CHST11: variants seen among roughly 807,000 people sequenced by gnomAD.
The protein encoded by CHST11 is C4S-1.
A neutral mutation model predicts 30.4 loss-of-function variants in CHST11; 9 were observed. The observed-to-expected ratio is 0.30, with a 90% CI of 0.18 to 0.52. The LOEUF (loss-of-function observed/expected upper bound fraction) is 0.52, where lower values mean the gene tolerates loss of function less well. Ranked by LOEUF, CHST11 falls within the 20% of genes least tolerant of loss-of-function variation. CHST11 has a pLI of 0.97. For synonymous variants in CHST11, 152 were observed against 187.8 expected, an observed-to-expected ratio of 0.81 and a Z score of 1.56; for missense variants, 348 against 460.6, an observed-to-expected ratio of 0.76 and a Z score of 2.24.
chr12:104,728,573 G>A (rs2040233430), intron 2 of CHST11, among the ~76,000 whole-genome samples: 1 of 152,214 alleles, frequency 6.6e-6, no homozygotes, highest in Non-Finnish European at 1.5e-5. Context: ...GTGTTTTACA[G>A]GTGCCCTGTG....
chr12:104,665,390 C>T (rs2039633084), intron 2 of CHST11, among the ~76,000 whole-genome samples: 1 of 152,150 alleles, frequency 6.6e-6, no homozygotes, highest in East Asian at 1.9e-4. Context: ...ACAAATGTAT[C>T]ATAGTCCAGA....
chr12:104,761,060 T>TTTA lies in CHST11; in HGVS notation c.*3259_*3261dup, dbSNP rs1378008964. ...TATTTGCAAGGACATTCCTGCTTAC[T>TTTA]TTATCCCTTTGGTTGGAAAGCTCTA... On this transcript the variant is annotated 3_prime_UTR_variant, in exon 3 of 3. Transcript: ENST00000303694. The TTTA allele has an allele frequency of 3.3e-5, 5 of 152,246 alleles. No homozygotes were observed. Among genetic ancestry groups the TTTA allele is most frequent in the Non-Finnish European group, 7.3e-5 (5 of 68,072 alleles). The allele number at this position is 152,246 out of a possible 1,614,324, so 9.4% of individuals were successfully genotyped here. A position where few individuals can be genotyped will look rare whatever the true frequency, so the allele number is the denominator to read the frequency against.
chr12:104,602,178 T>A (rs1592788307), intron 2 of CHST11, 187 bp downstream of exon 2: 1 of 599,700 alleles, frequency 1.7e-6, no homozygotes, highest in African/African-American at 1.9e-5. Context: ...TAGCAGGGGA[T>A]GTTTAGAATT....
chr12:104,468,806 C>T (rs2037482517), intron 1 of CHST11, among the ~76,000 whole-genome samples: 1 of 152,042 alleles, frequency 6.6e-6, no homozygotes, highest in Non-Finnish European at 1.5e-5. Context: ...GATTTGGTCC[C>T]CTCATTTGCC....
intron 1 of CHST11, among the ~76,000 whole-genome samples, chr12:104,558,577 C>G (rs2038482202): frequency 7.4e-6 from 1 of 135,132 alleles, no homozygotes; most frequent in Non-Finnish European, 1.6e-5. Context: ...TCACTCTTGT[C>G]CCCCAGGCTG....
chr12:104,602,147 A>G (rs910629090), intron 2 of CHST11, 156 bp downstream of exon 2: 1 of 614,954 alleles, frequency 1.6e-6, no homozygotes, highest in Non-Finnish European at 2.9e-6. Flanking sequence ...CCCTTTTTCT[A>G]TGTAGCATCT....
intron 2 of CHST11, among the ~76,000 whole-genome samples, chr12:104,735,960 C>A (rs1443802151): frequency 2.6e-5 from 4 of 152,052 alleles, no homozygotes; most frequent in Admixed American, 2.0e-4. Context: ...GTGGTTTGTA[C>A]CAGGGTTGCC....
At chr12:104,560,473 A>C (rs2038502625) in intron 1 of CHST11, among the ~76,000 whole-genome samples, 1 of 152,118 alleles carries the variant, frequency 6.6e-6, no homozygotes, top group African/African-American at 2.4e-5. Flanking sequence ...GATGTGTGCT[A>C]TTCAAACTCA....
chr12:104,722,658 TTC>T (rs1284868878), intron 2 of CHST11, among the ~76,000 whole-genome samples: 6 of 152,076 alleles, frequency 3.9e-5, no homozygotes, highest in East Asian at 1.9e-4. Flanking sequence ...TGTGATCTGG[TTC>T]TCTCTTCCAG....
chr12:104,696,503 A>AAC (rs1566042404), intron 2 of CHST11, among the ~76,000 whole-genome samples: 1 of 149,126 alleles, frequency 6.7e-6, no homozygotes, highest in African/African-American at 2.5e-5. Flanking sequence ...AAAAAAAAAA[A>AAC]AAAACATAGC....
chr12:104,682,646 C>G (rs1449088098), intron 2 of CHST11, among the ~76,000 whole-genome samples: 2 of 152,222 alleles, frequency 1.3e-5, no homozygotes, highest in Non-Finnish European at 2.9e-5. Context: ...TTTCACCAAA[C>G]TGACATTGGG....
At chr12:104,650,947 G>C (rs2694410) in intron 2 of CHST11, among the ~76,000 whole-genome samples, 23,929 of 152,210 alleles carry the variant, frequency 0.16, 1,998 homozygotes, top group Non-Finnish European at 0.17. Context: ...TAATCACCCT[G>C]CTTCATGAGG....
chr12:104,681,443 A>G (rs2039794160), intron 2 of CHST11, among the ~76,000 whole-genome samples: 1 of 152,226 alleles, frequency 6.6e-6, no homozygotes, highest in Non-Finnish European at 1.5e-5. Flanking sequence ...GAAAGGGCAT[A>G]GACAGAATCT....
intron 1 of CHST11, among the ~76,000 whole-genome samples, chr12:104,512,289 T>C (rs2037972883): frequency 6.6e-6 from 1 of 152,220 alleles, no homozygotes; most frequent in Admixed American, 6.5e-5. Flanking sequence ...CTCTACAGGA[T>C]CCTTTGTGGA....
chr12:104,501,039 T>A (rs554471180), intron 1 of CHST11, among the ~76,000 whole-genome samples: 1 of 152,278 alleles, frequency 6.6e-6, no homozygotes, highest in South Asian at 2.1e-4. Context: ...CACCTGCTGT[T>A]CAGGACACTT....
intron 1 of CHST11, among the ~76,000 whole-genome samples, chr12:104,533,059 C>T (rs554961060): frequency 6.6e-6 from 1 of 152,298 alleles, no homozygotes; most frequent in South Asian, 2.1e-4. Flanking sequence ...TACAGGCACG[C>T]ACCACCATGT....
At position 104,671,496 on chromosome 12, in the gene CHST11, T is replaced by C. The variant is rs1390672869; in HGVS notation, c.204+69505T>C. ...GTTACCAGCGCGATCATGGTTTTGA[T>C]CATGGAAGCTCTTAGCCCACTGCAC... On this transcript the variant is annotated intron_variant, in intron 2 of 2. Coordinates refer to ENST00000303694, the MANE Select transcript of CHST11 (RefSeq NM_018413.6). 3.9e-5 allele frequency among the ~76,000 whole-genome samples: 6 copies of C among 152,270 alleles called. No individual in the cohort carries two copies. In the East Asian group the frequency reaches 9.6e-4, roughly 24 times the overall value.
intron 2 of CHST11, among the ~76,000 whole-genome samples, chr12:104,692,673 G>A (rs114205338): frequency 0.015 from 2,213 of 152,194 alleles, 62 homozygotes; most frequent in African/African-American, 0.051. Flanking sequence ...GTGAGTGGCA[G>A]GCGAGCAAGC....
intron 1 of CHST11, among the ~76,000 whole-genome samples, chr12:104,548,574 C>T (rs1009175785): frequency 6.6e-6 from 1 of 152,130 alleles, no homozygotes. Flanking sequence ...AATGTTTAAA[C>T]TTTATTGAGA....
Sources: gnomAD v4.1 joint callset for allele counts (sites outside exome capture counted in the v4.1 genomes callset) on GRCh38, gnomAD v4.1.1 for gene constraint, MANE v1.5 for transcripts, NCBI Gene and HGNC (gene_info 2026-07-23, HGNC 2026-07-21) for gene names.